Variants in SYT3 observed in about 807,000 individuals in gnomAD.
SYT3 encodes the protein synaptotagmin-3.
A neutral mutation model predicts 50.6 loss-of-function variants in SYT3; 25 were observed. The ratio of observed to expected loss-of-function variants is 0.49; its 90% confidence interval spans 0.36 to 0.69. The LOEUF (loss-of-function observed/expected upper bound fraction) is 0.69, where lower values mean the gene tolerates loss of function less well. Ranked by LOEUF, SYT3 falls within the 30% of genes least tolerant of loss-of-function variation. SYT3 has a pLI of 0.00. For missense variants in SYT3, 589 were observed against 793.6 expected, an observed-to-expected ratio of 0.74 and a Z score of 3.10; for synonymous variants, 323 against 353.9, an observed-to-expected ratio of 0.91 and a Z score of 0.98.
chr19:50,635,888 G>A (rs918037426), intron 3 of SYT3, among the ~76,000 whole-genome samples: 1 of 152,166 alleles, frequency 6.6e-6, no homozygotes, highest in African/African-American at 2.4e-5. Flanking sequence ...CCTGGACTCT[G>A]CCCTGGGTGC....
intron 3 of SYT3, among the ~76,000 whole-genome samples, chr19:50,635,758 G>T (rs979277841): frequency 1.3e-5 from 2 of 152,200 alleles, no homozygotes; most frequent in Admixed American, 6.5e-5. Context: ...CAAGGCTCAG[G>T]TGAGCTTTCC....
chr19:50,636,443 G>A (rs370685528), intron 3 of SYT3, among the ~76,000 whole-genome samples: 2 of 152,236 alleles, frequency 1.3e-5, no homozygotes, highest in African/African-American at 2.4e-5. Flanking sequence ...CTGCTCTCTC[G>A]GCCTTATCCC....
intron 6 of SYT3, among the ~76,000 whole-genome samples, chr19:50,627,834 C>T (rs1379693452): frequency 6.6e-6 from 1 of 151,806 alleles, no homozygotes; most frequent in Non-Finnish European, 1.5e-5. Flanking sequence ...AGGGTGAGCA[C>T]AAGAATTAGG....
chr19:50,628,361 G>A (rs1032650575), intron 6 of SYT3, among the ~76,000 whole-genome samples: 1 of 152,168 alleles, frequency 6.6e-6, no homozygotes, highest in African/African-American at 2.4e-5. Flanking sequence ...ATACCAGAGG[G>A]CAGGGGTCGC....
chr19:50,623,337 GT>G, intron 9 of SYT3, among the ~76,000 whole-genome samples: 1 of 152,170 alleles, frequency 6.6e-6, no homozygotes. Context: ...TCAAATCTGA[GT>G]TCTGTGCCCA....
rs1156297876 is a variant in SYT3 at position 50,622,388 on chromosome 19, G to C, written c.*97C>G. Reference sequence around the variant, plus strand: ...CAGGGCTGCCCCGCACCAGCAGCTCGGACGTTATGGCTTCAAGGAGATGAA... The same window carrying C: ...CAGGGCTGCCCCGCACCAGCAGCTCCGACGTTATGGCTTCAAGGAGATGAA... On this transcript the variant is annotated 3_prime_UTR_variant, in exon 11 of 11. Coordinates refer to ENST00000600079, the MANE Select transcript of SYT3 (RefSeq NM_001160329.2). 4.1e-6 allele frequency: 1 copy of C among 246,360 alleles called. No individual in the cohort carries two copies. Among genetic ancestry groups the C allele is most frequent in the Non-Finnish European group, 8.0e-6 (1 of 124,872 alleles). The allele number at this position is 246,360 out of a possible 1,614,324, so 15.3% of individuals were successfully genotyped here.
intron 9 of SYT3, among the ~76,000 whole-genome samples, chr19:50,624,307 GA>G (rs1294052031): frequency 6.6e-6 from 1 of 152,038 alleles, no homozygotes. Context: ...ATTTTTCCTG[GA>G]ATGCTAAACT....
the SYT3 span, among the ~76,000 whole-genome samples, chr19:50,650,139 CT>C: frequency 6.6e-6 from 1 of 152,172 alleles, no homozygotes; most frequent in Non-Finnish European, 1.5e-5. Context: ...TGCAGTGATC[CT>C]GGCTGTCCCT....
chr19:50,650,115 T>A, the SYT3 span, among the ~76,000 whole-genome samples: 1 of 151,986 alleles, frequency 6.6e-6, no homozygotes, highest in Non-Finnish European at 1.5e-5. Flanking sequence ...TCCAGAGAGG[T>A]CTCTCTGACT....
At chr19:50,647,370 C>T in the SYT3 span, among the ~76,000 whole-genome samples, 3 of 151,514 alleles carry the variant, frequency 2.0e-5, no homozygotes, top group Non-Finnish European at 4.4e-5. Context: ...GGAATGAGGG[C>T]GAGAGAATGG....
In SYT3 at chr19:50,626,505, G is replaced by T. The variant is rs1346021374; in HGVS notation, c.1282-488C>A. On this transcript the variant is annotated intron_variant, in intron 6 of 10. Coordinates refer to ENST00000600079, the MANE Select transcript of SYT3 (RefSeq NM_001160329.2). ...GGGGGACAGAGGCCCAGAGAGAGAG[G>T]GGGGGGGACAGAGACCCAGAGAGGA... 1.0e-3 allele frequency among the ~76,000 whole-genome samples: 92 copies of T among 91,516 alleles called. 1 individual carries two copies. The highest frequency in any genetic ancestry group is 1.5e-3 in the African/African-American group (34 of 23,386). The allele number at this position is 91,516 out of a possible 152,430, so 60.0% of individuals were successfully genotyped here. A position where few individuals can be genotyped will look rare whatever the true frequency, so the allele number is the denominator to read the frequency against.
In SYT3 at chr19:50,632,465, G is replaced by A. The variant is rs1599818260; in HGVS notation, c.495C>T (p.Asp165=). 6.2e-7 allele frequency: 1 copy of A among 1,613,436 alleles called. No homozygotes were observed. Among genetic ancestry groups the A allele is most frequent in the Non-Finnish European group, 8.5e-7 (1 of 1,179,868 alleles). ...DTPEPSYLDM[D]SYPEAAAAAV... The stretch of plus-strand genomic sequence containing the variant: ...CTGCTGCTGCAGCCTCTGGATACGA[G>A]TCCATGTCCAAGTAGGAGGGCTCAG... The change falls in exon 4 of 11, where the codon GAC becomes GAT. Residue 165 remains aspartate (D), a synonymous_variant. Coordinates refer to ENST00000600079, the MANE Select transcript of SYT3 (RefSeq NM_001160329.2). This position sits in a 1 kb window ranked among gnomAD's most constrained non-coding sequence, Gnocchi z 4.7.
the SYT3 span, among the ~76,000 whole-genome samples, chr19:50,652,268 A>G: frequency 1.3e-5 from 2 of 152,176 alleles, no homozygotes; most frequent in Admixed American, 6.5e-5. Context: ...AAGTGCACAC[A>G]TTTCAGGCTT....
In SYT3 at chr19:50,637,452, G is replaced by C. The variant is rs541787475; in HGVS notation, c.-15-26C>G. ...CTGTGTGTGGGAGGGATGGGGCAAGGGTGCAGATGGGAAACAGAATGGGAG... is the reference window on the plus strand; with the variant it reads ...CTGTGTGTGGGAGGGATGGGGCAAGCGTGCAGATGGGAAACAGAATGGGAG... On this transcript the variant is annotated intron_variant, in intron 2 of 10. Transcript: ENST00000600079. This position sits in a 1 kb window ranked among gnomAD's most constrained non-coding sequence, Gnocchi z 4.9. The C allele has an allele frequency of 6.4e-7, 1 of 1,566,250 alleles. No individual in the cohort carries two copies. The highest frequency in any genetic ancestry group is 1.7e-5 in the Admixed American group (1 of 59,322).
chr19:50,653,938 G>A, the SYT3 span, among the ~76,000 whole-genome samples: 1 of 152,012 alleles, frequency 6.6e-6, no homozygotes, highest in Admixed American at 6.5e-5. Context: ...TGGGGTTAAT[G>A]AAAAAGCAGC....
At position 50,637,748 on chromosome 19, in the gene SYT3, C is replaced by A; in HGVS notation, c.-15-322G>T. 4.4e-6 allele frequency: 1 copy of A among 228,554 alleles called. No individual in the cohort carries two copies. The highest frequency in any genetic ancestry group is 8.6e-6 in the Non-Finnish European group (1 of 115,906). 14.2% of individuals were successfully genotyped at this position (228,554 alleles called of 1,614,324 possible). A position where few individuals can be genotyped will look rare whatever the true frequency, so the allele number is the denominator to read the frequency against. On this transcript the variant is annotated intron_variant, in intron 2 of 10. Coordinates refer to ENST00000600079, the MANE Select transcript of SYT3 (RefSeq NM_001160329.2). The surrounding 1 kb of genome is among the most constrained non-coding windows in gnomAD (Gnocchi z 4.9). The stretch of plus-strand genomic sequence containing the variant: ...TGGAGTAGAGGACAGAGAACAGGGA[C>A]AAATGAACAAGGAGGAAGAGATGGA...
At chr19:50,626,904 C>A (rs572398818) in intron 6 of SYT3, among the ~76,000 whole-genome samples, 1 of 150,400 alleles carries the variant, frequency 6.6e-6, no homozygotes, top group Non-Finnish European at 1.5e-5. Context: ...GACCAGAGAG[C>A]GAGAGAGAAA....
chr19:50,650,908 A>G, the SYT3 span, among the ~76,000 whole-genome samples: 1 of 152,252 alleles, frequency 6.6e-6, no homozygotes, highest in East Asian at 1.9e-4. Flanking sequence ...CACCCACGTG[A>G]CATGTAATTT....
the SYT3 span, chr19:50,658,045 A>AG: frequency 1.7e-5 from 26 of 1,535,884 alleles, no homozygotes; most frequent in Admixed American, 2.0e-5. Context: ...CCCAGTTACC[A>AG]GGGGCCATGG....
Sources: allele counts gnomAD v4.1 joint callset (sites outside exome capture counted in the v4.1 genomes callset), GRCh38; gene constraint gnomAD v4.1.1; non-coding constraint Gnocchi (gnomAD v3.1); transcripts MANE v1.5; gene names NCBI Gene and HGNC (gene_info 2026-07-23, HGNC 2026-07-21).